The following GINS1 variants were observed in gnomAD, a reference collection of about 807,000 sequenced individuals.
GINS1 encodes the protein DNA replication complex GINS protein PSF1.
A neutral mutation model predicts 34.9 loss-of-function variants in GINS1; 26 were observed. The ratio of observed to expected loss-of-function variants is 0.74; its 90% CI spans 0.55 to 1.03. The LOEUF is 1.03. GINS1 is among the 50% of genes least tolerant of loss of function. The pLI, the probability that GINS1 is intolerant of heterozygous loss-of-function variation, is 0.00. For synonymous variants in GINS1, 97 were observed against 84.4 expected (o/e 1.15, Z -0.82); for missense variants, 235 against 237.9 (o/e 0.99, Z 0.08).
At chr20:25,427,320 C>T (rs1327763175) in intron 5 of GINS1, among the ~76,000 whole-genome samples, 2 of 152,116 alleles carry the variant, frequency 1.3e-5, no homozygotes, top group East Asian at 1.9e-4. Context: ...GCCTCAGCCT[C>T]CCAAGTAGCT....
At chr20:25,423,448 T>TTTTCTTTTC (rs1297195423) in intron 4 of GINS1, among the ~76,000 whole-genome samples, 5 of 97,028 alleles carry the variant, frequency 5.2e-5, no homozygotes, top group Admixed American at 2.7e-4. Context: ...GATATTTTTC[T>TTTTCTTTTC]TTTCTTTTTT....
At chr20:25,423,937 A>G (rs1189178259) in intron 4 of GINS1, among the ~76,000 whole-genome samples, 2 of 151,496 alleles carry the variant, frequency 1.3e-5, no homozygotes, top group East Asian at 3.9e-4. Flanking sequence ...ATCTTTTAGG[A>G]GCTATATTTT....
intron 4 of GINS1, 113 bp downstream of exon 4, chr20:25,418,308 C>A: frequency 1.4e-6 from 1 of 715,574 alleles, no homozygotes; most frequent in East Asian, 2.5e-5. Context: ...TGTTTTTCCC[C>A]AATTTTTGGC....
chr20:25,407,751 G>C lies in GINS1; in HGVS notation c.-70G>C. On this transcript the variant is annotated 5_prime_UTR_variant, in exon 1 of 7. Transcript: ENST00000262460. Reference sequence around the variant, plus strand: ...ACTAGAACGAAAGGAGTGAGGCGCCGAGAGCCCAGATACCATTTTGGCGTG... The same window carrying C: ...ACTAGAACGAAAGGAGTGAGGCGCCCAGAGCCCAGATACCATTTTGGCGTG... The C allele has an allele frequency of 1.7e-6, 2 of 1,193,988 alleles. No individual in the cohort carries two copies. Among genetic ancestry groups the C allele is most frequent in the South Asian group, 2.5e-5 (2 of 80,940 alleles). The allele number at this position is 1,193,988 out of a possible 1,614,324, so 74.0% of individuals were successfully genotyped here.
In GINS1 at chr20:25,448,150, T is replaced by C. The variant is rs1047171; in HGVS notation, c.*2159T>C. On this transcript the variant is annotated 3_prime_UTR_variant, in exon 7 of 7. Transcript: ENST00000262460. ...TATCTCAAAAAGAAATTAGGATCAA[T>C]TTGTCAATTTCTACAACAACAACAA... 69,748 of 151,864 alleles carry C rather than the reference T, an allele frequency of 0.46. 16,580 individuals carry two copies. The highest frequency in any genetic ancestry group is 0.92 in the East Asian group (4,743 of 5,166). The allele number at this position is 151,864 out of a possible 1,614,324, so 9.4% of individuals were successfully genotyped here.
chr20:25,415,793 A>G (rs935927958), intron 2 of GINS1, among the ~76,000 whole-genome samples: 4 of 152,188 alleles, frequency 2.6e-5, no homozygotes. Context: ...TATGAAGGAA[A>G]TCAGAAGAGT....
At position 25,407,882 on chromosome 20, in the gene GINS1, T is replaced by G; in HGVS notation, c.62T>G (p.Leu21Arg). The G allele has an allele frequency of 6.2e-7, 1 of 1,613,214 alleles. No individual in the cohort carries two copies. ...RELHRAPEGQ[L>R]PAFNEDGLRQ... ...CTGCATCGCGCGCCCGAAGGGCAACTGCCTGCCTTCAACGTGAGGGGCGGG... is the reference window on the plus strand; with the variant it reads ...CTGCATCGCGCGCCCGAAGGGCAACGGCCTGCCTTCAACGTGAGGGGCGGG... The change falls in exon 1 of 7, where the codon CTG (leucine) becomes CGG (arginine). Residue 21 changes from leucine (L) to arginine (R), a missense_variant. Transcript: ENST00000262460.
rs6115176 is a variant in GINS1, at chr20:25,419,371, T to A, written c.330+1176T>A. ...AAAAAAAAAACAAATATTCAATGTGTTTGCCATTAGATTCTGCACATTTTT... is the reference window on the plus strand; with the variant it reads ...AAAAAAAAAACAAATATTCAATGTGATTGCCATTAGATTCTGCACATTTTT... On this transcript the variant is annotated intron_variant, in intron 4 of 6. Transcript: ENST00000262460. Among the ~76,000 whole-genome samples, 969 of 152,252 alleles carry A rather than the reference T, an allele frequency of 6.4e-3. 18 individuals carry two copies. Among genetic ancestry groups the A allele is most frequent in the African/African-American group, 0.022 (919 of 41,550 alleles).
At chr20:25,440,828 A>C (rs980401684) in intron 5 of GINS1, among the ~76,000 whole-genome samples, 1 of 151,418 alleles carries the variant, frequency 6.6e-6, no homozygotes, top group Non-Finnish European at 1.5e-5. Flanking sequence ...AAAAAAAAAA[A>C]AAAAGAAAGA....
chr20:25,416,378 C>T (rs1304122130), intron 2 of GINS1, among the ~76,000 whole-genome samples: 1 of 152,110 alleles, frequency 6.6e-6, no homozygotes, highest in Non-Finnish European at 1.5e-5. Flanking sequence ...TATAGAACAG[C>T]CCTAGAAGAC....
chr20:25,413,720 T>A (rs1478929786), intron 1 of GINS1, 70 bp from the exon 2 acceptor site: 5 of 857,674 alleles, frequency 5.8e-6, no homozygotes, highest in Non-Finnish European at 1.0e-5. Flanking sequence ...TACAGTTCAG[T>A]ATTGATAGCA....
intron 5 of GINS1, among the ~76,000 whole-genome samples, chr20:25,434,439 AT>A (rs1231695603): frequency 1.9e-5 from 2 of 102,990 alleles, no homozygotes; most frequent in Non-Finnish European, 4.1e-5. Flanking sequence ...ACGAACAGTA[AT>A]TTTTTTTCTT....
intron 4 of GINS1, chr20:25,421,068 A>G (rs1165598170): frequency 2.1e-5 from 11 of 512,982 alleles, no homozygotes; most frequent in Non-Finnish European, 2.5e-5. Flanking sequence ...TAGTGCTTCA[A>G]TGGGTGACTG....
chr20:25,425,913 C>T (rs1191252092), intron 5 of GINS1, among the ~76,000 whole-genome samples: 2 of 152,056 alleles, frequency 1.3e-5, no homozygotes, highest in Non-Finnish European at 2.9e-5. Context: ...GTTTAACATT[C>T]CATATTGTTT....
intron 5 of GINS1, among the ~76,000 whole-genome samples, chr20:25,430,156 C>T (rs1320990928): frequency 6.6e-6 from 1 of 152,244 alleles, no homozygotes; most frequent in Non-Finnish European, 1.5e-5. Context: ...CATCATCCAC[C>T]CGCCTTGGCC....
chr20:25,424,398 A>C (rs1017481773), intron 4 of GINS1, among the ~76,000 whole-genome samples: 8 of 152,306 alleles, frequency 5.3e-5, no homozygotes, highest in African/African-American at 1.4e-4. Context: ...TGAATCATCC[A>C]ATCTGTGAAT....
chr20:25,441,696 T>A lies in GINS1; in HGVS notation c.448-6T>A. The A allele has an allele frequency of 6.8e-7, 1 of 1,478,376 alleles. No individual in the cohort carries two copies. The highest frequency in any genetic ancestry group is 9.3e-7 in the Non-Finnish European group (1 of 1,074,118). 91.6% of individuals were successfully genotyped at this position (1,478,376 alleles called of 1,614,324 possible). ...TAGATAAAACATCTCTCATTTTTTC[T>A]TTCAGGTCCGGTGTCTAAAAGACTA... On this transcript the variant is annotated splice_region_variant and splice_polypyrimidine_tract_variant and intron_variant, in intron 5 of 6. Transcript: ENST00000262460.
At chr20:25,412,428 G>A (rs963619805) in intron 1 of GINS1, among the ~76,000 whole-genome samples, 27 of 150,778 alleles carry the variant, frequency 1.8e-4, no homozygotes, top group Non-Finnish European at 3.2e-4. Context: ...GGTGGTGGGC[G>A]CCTGTAATCC....
rs574142165 is a variant in GINS1, at chr20:25,440,884, A to G, written c.448-818A>G. 1.4e-4 allele frequency among the ~76,000 whole-genome samples: 21 copies of G among 151,852 alleles called. No homozygotes were observed. In the South Asian group the frequency reaches 4.0e-3, roughly 29 times the overall value. On this transcript the variant is annotated intron_variant, in intron 5 of 6. Transcript: ENST00000262460. Reference sequence around the variant, plus strand: ...ACTCAGGGGATTTTTCTGGAGTGGTATTTCTCATATTTAATTAAAATACTT... The same window carrying G: ...ACTCAGGGGATTTTTCTGGAGTGGTGTTTCTCATATTTAATTAAAATACTT...
Sources: allele counts gnomAD v4.1 joint callset (sites outside exome capture counted in the v4.1 genomes callset), GRCh38; gene constraint gnomAD v4.1.1; transcripts MANE v1.5; gene names NCBI Gene and HGNC (gene_info 2026-07-23, HGNC 2026-07-21).